PRR5L: variants seen among roughly 807,000 people sequenced by gnomAD.
The protein encoded by PRR5L is proline rich 5 like.
A neutral mutation model predicts 36.4 loss-of-function variants in PRR5L; 21 were observed. That is an observed-to-expected ratio of 0.58 (90% confidence interval 0.41 to 0.83). The LOEUF (loss-of-function observed/expected upper bound fraction) is 0.83. Ranked by LOEUF, PRR5L falls within the 40% of genes least tolerant of loss-of-function variation. The pLI is 0.00. For synonymous variants in PRR5L, 188 were observed against 197.0 expected, an observed-to-expected ratio of 0.95 and a Z score of 0.38; for missense variants, 381 against 473.3, an observed-to-expected ratio of 0.80 and a Z score of 1.81.
intron 1 of PRR5L, among the ~76,000 whole-genome samples, chr11:36,358,039 A>T (rs1029323134): frequency 6.6e-6 from 1 of 152,206 alleles, no homozygotes; most frequent in Non-Finnish European, 1.5e-5. Flanking sequence ...CAGCATTAAC[A>T]GGTGTTTAGA....
chr11:36,326,946 G>A (rs76224194), intron 1 of PRR5L, among the ~76,000 whole-genome samples: 1 of 152,054 alleles, frequency 6.6e-6, no homozygotes, highest in Non-Finnish European at 1.5e-5. Context: ...CAGGAGGGTG[G>A]TTTGAAACCT....
At chr11:36,314,498 T>C (rs779379400) in intron 1 of PRR5L, among the ~76,000 whole-genome samples, 2 of 152,208 alleles carry the variant, frequency 1.3e-5, no homozygotes, top group Non-Finnish European at 2.9e-5. Context: ...GCAAACCACT[T>C]TCACAACTTT....
At chr11:36,370,544 T>G (rs1857186712) in intron 1 of PRR5L, among the ~76,000 whole-genome samples, 1 of 152,192 alleles carries the variant, frequency 6.6e-6, no homozygotes, top group African/African-American at 2.4e-5. Context: ...GTTGACCAAA[T>G]GACTGACTTA....
At chr11:36,358,776 G>A (rs964167943) in intron 1 of PRR5L, among the ~76,000 whole-genome samples, 10 of 152,134 alleles carry the variant, frequency 6.6e-5, no homozygotes, top group African/African-American at 2.2e-4. Flanking sequence ...TCTTCCCAAG[G>A]TGATAAATAC....
intron 3 of PRR5L, among the ~76,000 whole-genome samples, chr11:36,411,910 T>C (rs1433031751): frequency 1.3e-5 from 2 of 151,532 alleles, no homozygotes; most frequent in Non-Finnish European, 2.9e-5. Flanking sequence ...TGGGCTGGAG[T>C]TTTCAAGACC....
intron 6 of PRR5L, among the ~76,000 whole-genome samples, chr11:36,445,565 CAAG>C (rs1403267398): frequency 2.6e-5 from 4 of 152,100 alleles, no homozygotes; most frequent in African/African-American, 9.7e-5. Flanking sequence ...GCTCTAAAAT[CAAG>C]AAGTTTGGGT....
chr11:36,306,597 A>G (rs1856434818), intron 1 of PRR5L, among the ~76,000 whole-genome samples: 1 of 152,154 alleles, frequency 6.6e-6, no homozygotes, highest in Admixed American at 6.5e-5. Flanking sequence ...GGATTTCTAG[A>G]AGCGGAATTG....
At chr11:36,405,250 G>C (rs377495865) in intron 3 of PRR5L, among the ~76,000 whole-genome samples, 1 of 152,196 alleles carries the variant, frequency 6.6e-6, no homozygotes, top group Admixed American at 6.5e-5. Flanking sequence ...GTCAAAAGAG[G>C]ATTACCCTGG....
intron 1 of PRR5L, among the ~76,000 whole-genome samples, chr11:36,368,726 T>A (rs1007566463): frequency 1.3e-5 from 2 of 152,242 alleles, no homozygotes; most frequent in African/African-American, 4.8e-5. Context: ...TTAAAGAGAT[T>A]TTCAGAAATG....
rs536908230 is a variant in PRR5L at position 36,335,003 on chromosome 11, AT to A, written c.-126+38566del. Among the ~76,000 whole-genome samples, 207 of 152,334 alleles carry A rather than the reference AT, an allele frequency of 1.4e-3. 2 individuals carry two copies. Among genetic ancestry groups the A allele is most frequent in the African/African-American group, 4.9e-3 (203 of 41,564 alleles). On this transcript the variant is annotated intron_variant, in intron 1 of 8. Coordinates refer to ENST00000530639, the MANE Select transcript of PRR5L (RefSeq NM_001160167.2). ...ATCTTTGTTAGGTATTGCTTTTGAAATGCTGAATAGTATTTCATCTTATCAT... is the reference window on the plus strand; with the variant it reads ...ATCTTTGTTAGGTATTGCTTTTGAAAGCTGAATAGTATTTCATCTTATCAT...
intron 1 of PRR5L, among the ~76,000 whole-genome samples, chr11:36,332,741 GC>G (rs1323662310): frequency 2.0e-5 from 3 of 152,050 alleles, no homozygotes; most frequent in African/African-American, 7.2e-5. Flanking sequence ...TGTTTAAAGA[GC>G]CTGGCACCTC....
At chr11:36,365,205 C>G (rs10501153) in intron 1 of PRR5L, among the ~76,000 whole-genome samples, 2 of 151,944 alleles carry the variant, frequency 1.3e-5, no homozygotes, top group Non-Finnish European at 2.9e-5. Context: ...CGGGAATGAT[C>G]GTTCAAGTTT....
intron 8 of PRR5L, 75 bp downstream of exon 8, chr11:36,451,410 T>C (rs1442349340): frequency 1.3e-5 from 20 of 1,544,998 alleles, no homozygotes; most frequent in Non-Finnish European, 1.8e-5. Context: ...GAGCACTGTT[T>C]AACTGAGCAC....
At chr11:36,348,024 C>T (rs563118134) in intron 1 of PRR5L, among the ~76,000 whole-genome samples, 1 of 152,258 alleles carries the variant, frequency 6.6e-6, no homozygotes, top group African/African-American at 2.4e-5. Context: ...AATCAATGCA[C>T]ATTTAGCATT....
chr11:36,296,856 T>C (rs1565368687), intron 1 of PRR5L, among the ~76,000 whole-genome samples: 1 of 152,370 alleles, frequency 6.6e-6, no homozygotes, highest in East Asian at 1.9e-4. Context: ...CTTGCTTCTT[T>C]CAAACCCAGG....
chr11:36,411,037 A>G (rs957773993), intron 3 of PRR5L, among the ~76,000 whole-genome samples: 1 of 152,168 alleles, frequency 6.6e-6, no homozygotes, highest in Non-Finnish European at 1.5e-5. Flanking sequence ...TTAACTACTG[A>G]TATGGTTATT....
rs1305024315 is a variant in PRR5L, at chr11:36,464,526, CAAAA to C, written c.*1794_*1797del. On this transcript the variant is annotated 3_prime_UTR_variant, in exon 9 of 9. Coordinates refer to ENST00000530639, the MANE Select transcript of PRR5L (RefSeq NM_001160167.2). Reference sequence around the variant, plus strand: ...TGATCTGCTGAGAGTTTCAAACAAACAAAAAAATAATCTCTATGTATGTGTTGGA... The same window carrying C: ...TGATCTGCTGAGAGTTTCAAACAAACAAATAATCTCTATGTATGTGTTGGA... 6.6e-6 allele frequency: 1 copy of C among 152,028 alleles called. No individual in the cohort carries two copies. The allele number at this position is 152,028 out of a possible 1,614,324, so 9.4% of individuals were successfully genotyped here. A position where few individuals can be genotyped will look rare whatever the true frequency, so the allele number is the denominator to read the frequency against.
chr11:36,335,955 T>C (rs1856764720), intron 1 of PRR5L, among the ~76,000 whole-genome samples: 1 of 152,288 alleles, frequency 6.6e-6, no homozygotes, highest in Non-Finnish European at 1.5e-5. Flanking sequence ...CCGCAGAACA[T>C]AGTCAAAGGA....
chr11:36,303,482 A>G (rs1036041534), intron 1 of PRR5L, among the ~76,000 whole-genome samples: 1 of 152,196 alleles, frequency 6.6e-6, no homozygotes, highest in Admixed American at 6.5e-5. Flanking sequence ...CCCAACCTAC[A>G]TATCTCTTTC....
Sources: gnomAD v4.1 joint callset for allele counts (sites outside exome capture counted in the v4.1 genomes callset) on GRCh38, gnomAD v4.1.1 for gene constraint, MANE v1.5 for transcripts, NCBI Gene and HGNC (gene_info 2026-07-23, HGNC 2026-07-21) for gene names.